SEPTIN7: variants seen among roughly 807,000 people sequenced by gnomAD.
SEPTIN7 encodes the protein septin 7.
In SEPTIN7, 10 loss-of-function variants were observed where a neutral mutation model predicts 63.3. That is an observed-to-expected ratio of 0.16 (90% CI 0.10 to 0.27). The LOEUF is 0.27. Among genes scored for constraint, SEPTIN7 ranks in the 10% least tolerant of loss-of-function variants. The pLI, the probability that SEPTIN7 is intolerant of heterozygous loss-of-function variation, is 1.00. For missense variants in SEPTIN7, 310 were observed against 521.0 expected, an observed-to-expected ratio of 0.59 and a Z score of 3.94; for synonymous variants, 131 against 165.3, an observed-to-expected ratio of 0.79 and a Z score of 1.59.
chr7:35,882,391 C>A, intron 7 of SEPTIN7, 93 bp from the exon 8 acceptor site: 1 of 923,532 alleles, frequency 1.1e-6, no homozygotes, highest in Non-Finnish European at 1.4e-6. Context: ...GAACCAAGGA[C>A]CCATATAGGA....
intron 3 of SEPTIN7, among the ~76,000 whole-genome samples, chr7:35,833,610 CA>C (rs1483732005): frequency 6.6e-6 from 1 of 151,990 alleles, no homozygotes; most frequent in Non-Finnish European, 1.5e-5. Context: ...ATTTTCACCT[CA>C]TATAGGCTGA....
intron 12 of SEPTIN7, chr7:35,901,447 C>T (rs996929986): frequency 2.6e-5 from 4 of 152,214 alleles, no homozygotes; most frequent in African/African-American, 7.2e-5. Context: ...TTTGATTATA[C>T]TTGTTGCCCC....
rs1378039548 is a variant in SEPTIN7 at position 35,905,625 on chromosome 7, TC to T, written c.*1334del. On this transcript the variant is annotated 3_prime_UTR_variant, in exon 14 of 14. Coordinates refer to ENST00000350320, the MANE Select transcript of SEPTIN7 (RefSeq NM_001788.6). ...GCCTCAACCCTCTGGGCTCAAGCAG[TC>T]CTCCTGCCTCAGCCCCCTGAGTATC... 1 of 152,174 alleles carries T rather than the reference TC, an allele frequency of 6.6e-6. No individual in the cohort carries two copies. Among genetic ancestry groups the T allele is most frequent in the Non-Finnish European group, 1.5e-5 (1 of 68,070 alleles). 9.4% of individuals were successfully genotyped at this position (152,174 alleles called of 1,614,324 possible).
chr7:35,863,791 A>G (rs1785648273), intron 4 of SEPTIN7, 133 bp downstream of exon 4: 2 of 487,590 alleles, frequency 4.1e-6, no homozygotes, highest in Admixed American at 4.0e-5. Context: ...GATGGTAAAT[A>G]TGACTTCATA....
chr7:35,851,158 A>G (rs116752471), intron 3 of SEPTIN7, among the ~76,000 whole-genome samples: 1,531 of 152,210 alleles, frequency 0.01, 17 homozygotes, highest in Middle Eastern at 0.041. Flanking sequence ...GCTTTCATGG[A>G]CAAGTCCTCA....
rs1189663531 is a variant in SEPTIN7 at position 35,905,068 on chromosome 7, T to G, written c.*775T>G. The G allele has an allele frequency of 1.3e-5, 2 of 152,580 alleles. No homozygotes were observed. The highest frequency in any genetic ancestry group is 2.9e-5 in the Non-Finnish European group (2 of 68,026). 9.5% of individuals were successfully genotyped at this position (152,580 alleles called of 1,614,324 possible). ...TTTCCTTTAACTCCCTTTTTACACT[T>G]TATGGTAAGTAGCAGGGGGGGAAAT... On this transcript the variant is annotated 3_prime_UTR_variant, in exon 14 of 14. Coordinates refer to ENST00000350320, the MANE Select transcript of SEPTIN7 (RefSeq NM_001788.6).
intron 11 of SEPTIN7, among the ~76,000 whole-genome samples, chr7:35,894,510 T>C (rs944218287): frequency 2.0e-5 from 3 of 152,162 alleles, no homozygotes; most frequent in Non-Finnish European, 4.4e-5. Context: ...TTTCAAAAAA[T>C]TAAACTTAGT....
intron 3 of SEPTIN7, among the ~76,000 whole-genome samples, chr7:35,843,184 A>T (rs1014113733): frequency 1.3e-5 from 2 of 152,148 alleles, no homozygotes; most frequent in African/African-American, 4.8e-5. Flanking sequence ...GAGGGAGGTA[A>T]TGGATTAGTT....
At chr7:35,838,303 TCCCTCCCTCCCTCCCTCCCTCCCTCCCTC>T (rs1562536938) in intron 3 of SEPTIN7, among the ~76,000 whole-genome samples, 3 of 1,318 alleles carry the variant, frequency 2.3e-3, no homozygotes, top group African/African-American at 0.01. Flanking sequence ...CTTCCTTCCT[TCCCTCCCTCCCTCCCTCCCTCCCTCCCTC>T]CCTCCCTCCC....
intron 3 of SEPTIN7, among the ~76,000 whole-genome samples, chr7:35,846,570 C>T (rs1387079951): frequency 3.3e-5 from 5 of 152,144 alleles, no homozygotes; most frequent in Admixed American, 6.5e-5. Flanking sequence ...CAGGATGGCT[C>T]AACTTTGCAG....
chr7:35,867,889 C>T (rs775231333), intron 4 of SEPTIN7, among the ~76,000 whole-genome samples: 3 of 149,956 alleles, frequency 2.0e-5, no homozygotes, highest in African/African-American at 7.3e-5. Flanking sequence ...TTTTTCTTTC[C>T]GAGATGGAGT....
chr7:35,878,183 A>G (rs1168715567), intron 6 of SEPTIN7, among the ~76,000 whole-genome samples: 1 of 152,074 alleles, frequency 6.6e-6, no homozygotes, highest in African/African-American at 2.4e-5. Context: ...ACATAGAAAT[A>G]TGCCTAGTCT....
chr7:35,841,230 TA>T lies in SEPTIN7; in HGVS notation c.169+8341del, dbSNP rs762987670. On this transcript the variant is annotated intron_variant, in intron 3 of 13. Transcript: ENST00000350320. ...AGTGAGTGAGATTCTGTCTCAAACGTAAAAAAAAAAATGTGGTTCTGTAACA... is the reference window on the plus strand; with the variant it reads ...AGTGAGTGAGATTCTGTCTCAAACGTAAAAAAAAAATGTGGTTCTGTAACA... Among the ~76,000 whole-genome samples the T allele has an allele frequency of 2.0e-4, 30 of 146,818 alleles. No homozygotes were observed. In the South Asian group the frequency reaches 2.2e-3, roughly 11 times the overall value.
chr7:35,878,146 T>C (rs1271591090), intron 6 of SEPTIN7, among the ~76,000 whole-genome samples: 6 of 152,094 alleles, frequency 3.9e-5, no homozygotes, highest in Non-Finnish European at 8.8e-5. Context: ...CAGGCAGTTA[T>C]GGTACAGCAC....
intron 1 of SEPTIN7, chr7:35,802,225 A>G (rs372153938): frequency 1.8e-5 from 6 of 333,858 alleles, no homozygotes; most frequent in Admixed American, 1.2e-4. Flanking sequence ...AGAACAGGCC[A>G]TTTCATTTAC....
intron 1 of SEPTIN7, among the ~76,000 whole-genome samples, chr7:35,824,174 T>C (rs1343525906): frequency 2.0e-5 from 3 of 152,160 alleles, no homozygotes; most frequent in African/African-American, 7.2e-5. Context: ...CCCCTATCTT[T>C]CCATTGATAC....
At chr7:35,842,087 A>C (rs1181763661) in intron 3 of SEPTIN7, among the ~76,000 whole-genome samples, 1 of 152,174 alleles carries the variant, frequency 6.6e-6, no homozygotes, top group African/African-American at 2.4e-5. Flanking sequence ...AAGCATTTGT[A>C]GATTGAGTGT....
At chr7:35,834,324 TTAG>T (rs1355702968) in intron 3 of SEPTIN7, among the ~76,000 whole-genome samples, 3 of 152,062 alleles carry the variant, frequency 2.0e-5, no homozygotes, top group Non-Finnish European at 4.4e-5. Context: ...TAAACTATAC[TTAG>T]TAGGATAATG....
At chr7:35,902,354 A>G (rs1788376322) in intron 12 of SEPTIN7, 1 of 152,080 alleles carries the variant, frequency 6.6e-6, no homozygotes, top group Non-Finnish European at 1.5e-5. Context: ...TCTTTACAGT[A>G]TTAATACACA....
Sources: allele counts gnomAD v4.1 joint callset (sites outside exome capture counted in the v4.1 genomes callset), GRCh38; gene constraint gnomAD v4.1.1; transcripts MANE v1.5; gene names NCBI Gene and HGNC (gene_info 2026-07-23, HGNC 2026-07-21).